Variants in AKAP1 observed in about 807,000 individuals in gnomAD.
The protein encoded by AKAP1 is A-kinase anchoring protein 1.
A neutral mutation model predicts 79.8 loss-of-function variants in AKAP1; 32 were observed. The ratio of observed to expected loss-of-function variants is 0.40; its 90% CI spans 0.30 to 0.54. AKAP1 has a LOEUF of 0.54. Ranked by LOEUF, AKAP1 falls within the 20% of genes least tolerant of loss-of-function variation. The probability of loss-of-function intolerance (pLI) is 0.47; values close to 1 mark genes in which losing one functional copy is unlikely to be tolerated. For synonymous variants in AKAP1, 416 were observed against 466.7 expected, an observed-to-expected ratio of 0.89 and a Z score of 1.40; for missense variants, 961 against 1,138.9, an observed-to-expected ratio of 0.84 and a Z score of 2.25.
intron 2 of AKAP1, chr17:57,107,941 T>C: frequency 7.8e-7 from 1 of 1,289,484 alleles, no homozygotes; most frequent in South Asian, 1.2e-5. Flanking sequence ...TTTCTTTCTG[T>C]GCAGTTGCAG....
rs1267627230 is a variant in AKAP1 at position 57,120,419 on chromosome 17, C to T, written c.*95C>T. The T allele has an allele frequency of 8.8e-7, 1 of 1,133,234 alleles. No homozygotes were observed. The highest frequency in any genetic ancestry group is 2.3e-5 in the Admixed American group (1 of 44,404). The allele number at this position is 1,133,234 out of a possible 1,614,324, so 70.2% of individuals were successfully genotyped here. On this transcript the variant is annotated 3_prime_UTR_variant, in exon 11 of 11. Coordinates refer to ENST00000337714, the MANE Select transcript of AKAP1 (RefSeq NM_003488.4). ...GAACATCGGAATAACAAACATTGTC[C>T]TCTCCAGAAAGTCCTTTCTTTCTCC...
intron 10 of AKAP1, 70 bp downstream of exon 10, chr17:57,119,114 G>A (rs1188399646): frequency 1.3e-6 from 2 of 1,528,090 alleles, no homozygotes; most frequent in Admixed American, 3.3e-5. Flanking sequence ...AGCTGGTCCT[G>A]GGATTTGTTT....
chr17:57,106,703 C>G lies in AKAP1; in HGVS notation c.1239C>G (p.Ala413=). 4 of 1,614,060 alleles carry G rather than the reference C, an allele frequency of 2.5e-6. No individual in the cohort carries two copies. The highest frequency in any genetic ancestry group is 3.4e-6 in the Non-Finnish European group (4 of 1,180,030). Residue 413 remains alanine, a synonymous_variant, in exon 2 of 11, where the codon GCC becomes GCG. Coordinates refer to ENST00000337714, the MANE Select transcript of AKAP1 (RefSeq NM_003488.4). ...CTGCCACAGCAGAGGCAGCTGTTGC[C>G]CCGCCGGATGCTGGCCTCCCCTTGC... ...AEPATAEAAV[A]PPDAGLPLPG...
chr17:57,111,909 A>C lies in AKAP1; in HGVS notation c.1960A>C (p.Ile654Leu). The change falls in exon 4 of 11, where the codon ATC becomes CTC. Residue 654 changes from isoleucine (I) to leucine (L), a missense_variant. Transcript: ENST00000337714. ...STLPYTQSVQ[I>L]CHIEGSQHHV... ...CCTGCCTTACACCCAGAGCGTCCAGATCTGCCACATAGAAGGTCAGTAACA... is the reference window on the plus strand; with the variant it reads ...CCTGCCTTACACCCAGAGCGTCCAGCTCTGCCACATAGAAGGTCAGTAACA... 4.3e-6 allele frequency: 7 copies of C among 1,613,874 alleles called. No homozygotes were observed. Among genetic ancestry groups the C allele is most frequent in the Non-Finnish European group, 5.9e-6 (7 of 1,179,816 alleles).
intron 8 of AKAP1, 100 bp downstream of exon 8, chr17:57,117,027 CAT>C (rs1915630196): frequency 1.6e-6 from 2 of 1,234,772 alleles, no homozygotes; most frequent in Non-Finnish European, 1.2e-6. Flanking sequence ...TTTATGCTAA[CAT>C]AAGTTGCTAC....
intron 1 of AKAP1, among the ~76,000 whole-genome samples, chr17:57,103,174 G>T (rs1914634520): frequency 6.6e-6 from 1 of 152,222 alleles, no homozygotes; most frequent in South Asian, 2.1e-4. Context: ...CCTGGCCACT[G>T]CCTAGCCCTG....
intron 1 of AKAP1, among the ~76,000 whole-genome samples, chr17:57,102,578 G>A (rs1043698973): frequency 4.7e-5 from 7 of 150,348 alleles, no homozygotes; most frequent in African/African-American, 1.2e-4. Flanking sequence ...TGATTCTCCC[G>A]CTCAGCCTCC....
intron 5 of AKAP1, among the ~76,000 whole-genome samples, chr17:57,113,708 T>A (rs1009860677): frequency 1.3e-5 from 2 of 149,546 alleles, no homozygotes; most frequent in African/African-American, 2.5e-5. Flanking sequence ...GTTCAAACGA[T>A]TATCCTGCCC....
chr17:57,088,464 C>T (rs947578139), intron 1 of AKAP1, among the ~76,000 whole-genome samples: 2 of 152,178 alleles, frequency 1.3e-5, no homozygotes, highest in Non-Finnish European at 2.9e-5. Context: ...CTTTAATCCT[C>T]ACACCTCTGA....
chr17:57,089,945 A>G (rs534308810), intron 1 of AKAP1, among the ~76,000 whole-genome samples: 1 of 152,332 alleles, frequency 6.6e-6, no homozygotes, highest in African/African-American at 2.4e-5. Context: ...TGGTCTCCAA[A>G]TGTCAGATGT....
Position 57,090,743 on chromosome 17 carries a change from A to C in AKAP1, c.-25+5345A>C, listed in dbSNP as rs570948971. On this transcript the variant is annotated intron_variant, in intron 1 of 10. Coordinates refer to ENST00000337714, the MANE Select transcript of AKAP1 (RefSeq NM_003488.4). ...TCTTGTCTTTCCAAAGCCATATTTT[A>C]TCATCAGAATTATGCAACCATCGGG... 2.6e-5 allele frequency among the ~76,000 whole-genome samples: 4 copies of C among 152,338 alleles called. No homozygotes were observed. In the East Asian group the frequency reaches 7.7e-4, roughly 29 times the overall value.
chr17:57,106,933 G>A lies in AKAP1; in HGVS notation c.1469G>A (p.Cys490Tyr). Reference sequence around the variant, plus strand: ...GTGGAAGATGCCACCTGTGTCACCTGCATGTCAGACAGCAGCCAAAGTGTC... The same window carrying A: ...GTGGAAGATGCCACCTGTGTCACCTACATGTCAGACAGCAGCCAAAGTGTC... ...ILVEDATCVT[C>Y]MSDSSQSVPL... The change falls in exon 2 of 11, where the codon TGC (cysteine) becomes TAC (tyrosine). Residue 490 changes from cysteine (C) to tyrosine (Y), a missense_variant. Physicochemically the swap from Cys to Tyr is radical, Grantham distance 194. Coordinates refer to ENST00000337714, the MANE Select transcript of AKAP1 (RefSeq NM_003488.4). The A allele has an allele frequency of 6.2e-7, 1 of 1,614,044 alleles. No homozygotes were observed. Among genetic ancestry groups the A allele is most frequent in the Non-Finnish European group, 8.5e-7 (1 of 1,179,882 alleles).
chr17:57,089,650 T>A (rs9905737), intron 1 of AKAP1, among the ~76,000 whole-genome samples: 1 of 152,146 alleles, frequency 6.6e-6, no homozygotes, highest in African/African-American at 2.4e-5. Flanking sequence ...TTGTCTCAAC[T>A]TGTAAATCTC....
intron 1 of AKAP1, among the ~76,000 whole-genome samples, chr17:57,098,012 C>G (rs1914232949): frequency 6.6e-6 from 1 of 152,232 alleles, no homozygotes; most frequent in Non-Finnish European, 1.5e-5. Context: ...TAGCAGAAGG[C>G]TGTAGCCTGC....
Position 57,105,759 on chromosome 17 carries a change from C to T in AKAP1, c.295C>T (p.His99Tyr). The T allele has an allele frequency of 1.2e-6, 2 of 1,614,216 alleles. No individual in the cohort carries two copies. The highest frequency in any genetic ancestry group is 1.7e-6 in the Non-Finnish European group (2 of 1,180,050). Reference sequence around the variant, plus strand: ...AGAGCCCCCAGCATTGCTCCAGACACACCCACCTTGCCGAAGATCAGAGTC... The same window carrying T: ...AGAGCCCCCAGCATTGCTCCAGACATACCCACCTTGCCGAAGATCAGAGTC... Reference protein sequence around the residue: ...PAEPPALLQTHPPCRRSESSG... With the variant: ...PAEPPALLQTYPPCRRSESSG... The change falls in exon 2 of 11, where the codon CAC (histidine) becomes TAC (tyrosine). Residue 99 changes from histidine to tyrosine, a missense_variant. Coordinates refer to ENST00000337714, the MANE Select transcript of AKAP1 (RefSeq NM_003488.4).
intron 2 of AKAP1, among the ~76,000 whole-genome samples, chr17:57,108,904 G>A (rs1054916751): frequency 6.6e-6 from 1 of 152,076 alleles, no homozygotes; most frequent in East Asian, 1.9e-4. Context: ...CCGCCCCCTC[G>A]CCCAGCCCCT....
intron 1 of AKAP1, among the ~76,000 whole-genome samples, chr17:57,104,545 G>A (rs1382171353): frequency 6.6e-6 from 1 of 152,164 alleles, no homozygotes; most frequent in Non-Finnish European, 1.5e-5. Context: ...TTTAGCCTAG[G>A]CTACTTTACA....
chr17:57,089,648 A>G (rs1017851021), intron 1 of AKAP1, among the ~76,000 whole-genome samples: 1 of 152,152 alleles, frequency 6.6e-6, no homozygotes, highest in Non-Finnish European at 1.5e-5. Context: ...AATTGTCTCA[A>G]CTTGTAAATC....
At chr17:57,096,802 G>C (rs117254551) in intron 1 of AKAP1, 5,473 of 152,438 alleles carry the variant, frequency 0.036, 129 homozygotes, top group Non-Finnish European at 0.053. Flanking sequence ...CAGCCCTCCT[G>C]TTCATTGGGG....
Sources: allele counts gnomAD v4.1 joint callset (sites outside exome capture counted in the v4.1 genomes callset), GRCh38; gene constraint gnomAD v4.1.1; transcripts MANE v1.5; gene names NCBI Gene and HGNC (gene_info 2026-07-23, HGNC 2026-07-21).